The following PTPN9 variants were observed in gnomAD, a reference collection of about 807,000 sequenced individuals.
PTPN9 encodes the protein tyrosine-protein phosphatase non-receptor type 9.
In PTPN9, 26 loss-of-function variants were observed where a neutral mutation model predicts 69.8. The observed-to-expected ratio is 0.37, with a 90% CI of 0.27 to 0.52. The LOEUF is 0.52. Ranked by LOEUF, PTPN9 falls within the 20% of genes least tolerant of loss-of-function variation. The pLI is 0.91. For missense variants in PTPN9, 549 were observed against 740.3 expected (o/e 0.74, Z 3.00); for synonymous variants, 274 against 272.5 (o/e 1.01, Z -0.05).
chr15:75,557,586 G>A (rs369187847), intron 1 of PTPN9, among the ~76,000 whole-genome samples: 2 of 152,190 alleles, frequency 1.3e-5, no homozygotes, highest in East Asian at 3.8e-4. Context: ...AACTGCCAAA[G>A]TGTTTTCCAC....
intron 1 of PTPN9, among the ~76,000 whole-genome samples, chr15:75,549,064 T>G (rs981860722): frequency 1.3e-5 from 2 of 151,976 alleles, no homozygotes; most frequent in Non-Finnish European, 2.9e-5. Context: ...GCTCAAGCAA[T>G]CCTCCCATCT....
intron 12 of PTPN9, 55 bp from the exon 13 acceptor site, chr15:75,469,038 C>T: frequency 6.8e-7 from 1 of 1,460,596 alleles, no homozygotes; most frequent in East Asian, 2.3e-5. Context: ...CTTCCTCCCT[C>T]TACCAAATAA....
chr15:75,578,505 G>A (rs2075183943), intron 1 of PTPN9, among the ~76,000 whole-genome samples: 1 of 152,180 alleles, frequency 6.6e-6, no homozygotes, highest in African/African-American at 2.4e-5. Flanking sequence ...CGAAAGAAGC[G>A]GCGGGAACGG....
At chr15:75,499,299 T>C (rs2074760144) in intron 7 of PTPN9, among the ~76,000 whole-genome samples, 1 of 151,648 alleles carries the variant, frequency 6.6e-6, no homozygotes, top group Admixed American at 6.6e-5. Context: ...AGTCATTCAA[T>C]AGGCAAGACT....
intron 1 of PTPN9, among the ~76,000 whole-genome samples, chr15:75,544,675 G>A (rs940766186): frequency 6.6e-6 from 1 of 152,182 alleles, no homozygotes; most frequent in African/African-American, 2.4e-5. Context: ...CCTGTAGACA[G>A]CTTGCCAACT....
intron 7 of PTPN9, among the ~76,000 whole-genome samples, chr15:75,504,611 CG>C (rs1252549769): frequency 2.2e-5 from 3 of 134,918 alleles, no homozygotes; most frequent in Middle Eastern, 4.3e-3. Context: ...CCCCTCTGCC[CG>C]GCCAGCCGCC....
chr15:75,559,579 T>C (rs867964695), intron 1 of PTPN9, among the ~76,000 whole-genome samples: 1 of 152,030 alleles, frequency 6.6e-6, no homozygotes, highest in African/African-American at 2.4e-5. Flanking sequence ...GCAGCATGCT[T>C]GTTAAGAGTC....
At chr15:75,567,453 T>C (rs2075131248) in intron 1 of PTPN9, among the ~76,000 whole-genome samples, 1 of 152,132 alleles carries the variant, frequency 6.6e-6, no homozygotes, top group Admixed American at 6.6e-5. Context: ...TAGCTAGGTG[T>C]TCAAGCAATG....
At chr15:75,560,133 C>G (rs1390063054) in intron 1 of PTPN9, among the ~76,000 whole-genome samples, 1 of 109,094 alleles carries the variant, frequency 9.2e-6, no homozygotes, top group Non-Finnish European at 1.8e-5. Context: ...GAGCAAGACT[C>G]CATCTCAAAA....
At chr15:75,508,872 CTG>C (rs766556628) in intron 6 of PTPN9, 43 bp downstream of exon 6, 4 of 1,389,908 alleles carry the variant, frequency 2.9e-6, no homozygotes, top group Non-Finnish European at 3.1e-6. Context: ...CAGGAATTCA[CTG>C]TATCTATTCA....
At position 75,465,576 on chromosome 15, in the gene PTPN9, T is replaced by C. The variant is rs1595943047; in HGVS notation, c.*3193A>G. On this transcript the variant is annotated 3_prime_UTR_variant, in exon 13 of 13. Transcript: ENST00000618819. ...CTACAAACAATGGCAGTGGGAGGAG[T>C]TCCTCTGAGTTTTACTGAAAATTTA... The C allele has an allele frequency of 6.6e-6, 1 of 151,958 alleles. No homozygotes were observed. The highest frequency in any genetic ancestry group is 2.4e-5 in the African/African-American group (1 of 41,348). The allele number at this position is 151,958 out of a possible 1,614,324, so 9.4% of individuals were successfully genotyped here. A position where few individuals can be genotyped will look rare whatever the true frequency, so the allele number is the denominator to read the frequency against.
rs192249823 is a variant in PTPN9, at chr15:75,509,130, G to C, written c.529-103C>G. 57 of 890,484 alleles carry C rather than the reference G, an allele frequency of 6.4e-5. No homozygotes were observed. In the African/African-American group the frequency reaches 8.5e-4, roughly 13 times the overall value. 55.2% of individuals were successfully genotyped at this position (890,484 alleles called of 1,614,324 possible). On this transcript the variant is annotated intron_variant, in intron 5 of 12. Transcript: ENST00000618819. ...TCTCCCCATTCTTACCCAGCAGGGG[G>C]AGTCTACAGCCTAATTCAGGTTTGA...
intron 9 of PTPN9, among the ~76,000 whole-genome samples, chr15:75,477,734 AAAC>A (rs1382823598): frequency 6.6e-6 from 1 of 152,118 alleles, no homozygotes; most frequent in Admixed American, 6.5e-5. Flanking sequence ...AGCATACATT[AAAC>A]ATGGATACAA....
intron 1 of PTPN9, among the ~76,000 whole-genome samples, chr15:75,541,311 G>A (rs937515148): frequency 6.6e-6 from 1 of 151,318 alleles, no homozygotes; most frequent in African/African-American, 2.4e-5. Flanking sequence ...TCGCACTCCT[G>A]GCCTCCAGTG....
At chr15:75,518,466 T>TA (rs111475133) in intron 4 of PTPN9, among the ~76,000 whole-genome samples, 45,984 of 128,074 alleles carry the variant, frequency 0.36, 8,911 homozygotes, top group African/African-American at 0.55. Context: ...TGACTCTATT[T>TA]AAAAAAAAAA....
At chr15:75,567,747 A>G (rs1413267838) in intron 1 of PTPN9, among the ~76,000 whole-genome samples, 1 of 152,204 alleles carries the variant, frequency 6.6e-6, no homozygotes, top group Non-Finnish European at 1.5e-5. Flanking sequence ...CTGTAATCCC[A>G]GCACTTTGGG....
chr15:75,559,139 C>A (rs533103720), intron 1 of PTPN9, among the ~76,000 whole-genome samples: 1 of 151,836 alleles, frequency 6.6e-6, no homozygotes, highest in Non-Finnish European at 1.5e-5. Flanking sequence ...CTCTGCCCCG[C>A]CGCCCCGTCT....
At chr15:75,535,212 G>A (rs1041947327) in intron 1 of PTPN9, among the ~76,000 whole-genome samples, 9 of 152,032 alleles carry the variant, frequency 5.9e-5, no homozygotes, top group African/African-American at 2.2e-4. Flanking sequence ...TGGCCAGGAT[G>A]GTCTCGATCC....
At chr15:75,528,507 C>T (rs532155954) in intron 1 of PTPN9, among the ~76,000 whole-genome samples, 12 of 152,000 alleles carry the variant, frequency 7.9e-5, no homozygotes, top group East Asian at 5.8e-4. Context: ...CTCAGCCTCT[C>T]GAGTAGCTGG....
Sources: allele counts gnomAD v4.1 joint callset (sites outside exome capture counted in the v4.1 genomes callset), GRCh38; gene constraint gnomAD v4.1.1; transcripts MANE v1.5; gene names NCBI Gene and HGNC (gene_info 2026-07-23, HGNC 2026-07-21).